ULK4: variants seen among roughly 807,000 people sequenced by gnomAD.
ULK4 encodes the protein unc-51 like kinase 4.
Under a neutral mutation model 160.6 loss-of-function variants are expected in ULK4, and 133 were observed. The observed-to-expected ratio is 0.83, with a 90% confidence interval of 0.72 to 0.96. ULK4 has a LOEUF of 0.96. Among genes scored for constraint, ULK4 ranks in the 40% least tolerant of loss-of-function variants. ULK4 has a pLI of 0.00. For missense variants in ULK4, 1,580 were observed against 1,499.5 expected, an observed-to-expected ratio of 1.05 and a Z score of -0.89; for synonymous variants, 534 against 539.8, an observed-to-expected ratio of 0.99 and a Z score of 0.15.
At chr3:41,759,346 T>A (rs995680871) in intron 21 of ULK4, among the ~76,000 whole-genome samples, 1 of 152,168 alleles carries the variant, frequency 6.6e-6, no homozygotes, top group Non-Finnish European at 1.5e-5. Context: ...TAATGAACAA[T>A]TGGAAAATAA....
intron 21 of ULK4, among the ~76,000 whole-genome samples, chr3:41,776,364 G>A (rs1178399007): frequency 6.7e-6 from 1 of 150,110 alleles, no homozygotes; most frequent in Non-Finnish European, 1.5e-5. Flanking sequence ...AGATCACAAA[G>A]ACAGTTATGT....
At chr3:41,685,232 A>G (rs2036061980) in intron 27 of ULK4, among the ~76,000 whole-genome samples, 2 of 152,224 alleles carry the variant, frequency 1.3e-5, no homozygotes, top group South Asian at 2.1e-4. Context: ...GGCAAGGACA[A>G]TAACTTGTTC....
intron 27 of ULK4, 82 bp downstream of exon 27, chr3:41,704,975 G>A: frequency 9.5e-7 from 1 of 1,055,060 alleles, no homozygotes; most frequent in Non-Finnish European, 1.4e-6. Flanking sequence ...TATGAGCCAA[G>A]CACTGTAAAC....
chr3:41,876,964 C>T (rs1716657), intron 17 of ULK4, among the ~76,000 whole-genome samples: 104,723 of 152,156 alleles, frequency 0.69, 39,444 homozygotes, highest in East Asian at 0.83. Flanking sequence ...GGTTTTCACA[C>T]TTGGCAATAA....
chr3:41,398,553 ATTTT>A (rs11321558), intron 34 of ULK4, among the ~76,000 whole-genome samples: 2 of 130,642 alleles, frequency 1.5e-5, no homozygotes, highest in Admixed American at 7.7e-5. Context: ...TGCCCAGCTA[ATTTT>A]TTTTTTTTTT....
chr3:41,394,186 G>C (rs1453323512), intron 35 of ULK4, among the ~76,000 whole-genome samples: 1 of 152,028 alleles, frequency 6.6e-6, no homozygotes, highest in East Asian at 1.9e-4. Context: ...CAGGAACAAG[G>C]GTAATGTAAA....
chr3:41,953,231 T>TAC (rs960596083), intron 2 of ULK4, among the ~76,000 whole-genome samples: 13 of 148,720 alleles, frequency 8.7e-5, no homozygotes, highest in Admixed American at 3.4e-4. Flanking sequence ...TACATATATA[T>TAC]ACACACACAT....
At chr3:41,522,838 C>G (rs1371292525) in intron 32 of ULK4, among the ~76,000 whole-genome samples, 1 of 152,188 alleles carries the variant, frequency 6.6e-6, no homozygotes, top group Non-Finnish European at 1.5e-5. Flanking sequence ...TGTGTGCCAG[C>G]TGTGTGTTAT....
Position 41,789,891 on chromosome 3 carries a change from A to G in ULK4, c.2011-48T>C, listed in dbSNP as rs545089558. 1.6e-4 allele frequency: 234 copies of G among 1,438,836 alleles called. 2 individuals are homozygous for G. In the South Asian group the frequency reaches 3.3e-3, roughly 20 times the overall value. The allele number at this position is 1,438,836 out of a possible 1,614,324, so 89.1% of individuals were successfully genotyped here. On this transcript the variant is annotated intron_variant, in intron 20 of 36. Coordinates refer to ENST00000301831, the MANE Select transcript of ULK4 (RefSeq NM_017886.4). Reference sequence around the variant, plus strand: ...CTGTCAGGCAACTCCAAGTGCATCAATCATTCCCCTGAAAGGTAACACATG... The same window carrying G: ...CTGTCAGGCAACTCCAAGTGCATCAGTCATTCCCCTGAAAGGTAACACATG...
chr3:41,600,046 T>C (rs369280857), intron 31 of ULK4, among the ~76,000 whole-genome samples: 2 of 152,320 alleles, frequency 1.3e-5, no homozygotes, highest in South Asian at 2.1e-4. Context: ...TGGATCTTTC[T>C]AAATGCAAAT....
intron 18 of ULK4, among the ~76,000 whole-genome samples, chr3:41,828,139 A>G (rs1403517718): frequency 3.4e-5 from 5 of 148,368 alleles, no homozygotes; most frequent in African/African-American, 7.5e-5. Flanking sequence ...GGTACTGATG[A>G]GACCTATCTC....
At chr3:41,679,498 A>G (rs185071657) in intron 29 of ULK4, among the ~76,000 whole-genome samples, 1 of 152,230 alleles carries the variant, frequency 6.6e-6, no homozygotes, top group African/African-American at 2.4e-5. Context: ...CAAGTTGTGT[A>G]ATACAAGCTT....
intron 18 of ULK4, 127 bp from the exon 19 acceptor site, chr3:41,819,633 A>T: frequency 1.4e-6 from 1 of 701,528 alleles, no homozygotes; most frequent in African/African-American, 1.8e-5. Flanking sequence ...TTAAAGTATT[A>T]CTTACTATCT....
Position 41,246,787 on chromosome 3 carries a change from C to T in ULK4, c.*142G>A. The stretch of plus-strand genomic sequence containing the variant: ...GCCCTGGGGTTAGTGAGCACTTGGG[C>T]CACCAGGTTCTGGGTTAAGCTGACT... On this transcript the variant is annotated 3_prime_UTR_variant, in exon 37 of 37. Transcript: ENST00000301831. The T allele has an allele frequency of 1.0e-6, 1 of 967,626 alleles. No homozygotes were observed. The highest frequency in any genetic ancestry group is 1.5e-6 in the Non-Finnish European group (1 of 655,440). 59.9% of individuals were successfully genotyped at this position (967,626 alleles called of 1,614,324 possible).
chr3:41,814,100 TC>T lies in ULK4; in HGVS notation c.1848+5322del, dbSNP rs759230419. On this transcript the variant is annotated intron_variant, in intron 19 of 36. Transcript: ENST00000301831. Reference sequence around the variant, plus strand: ...AACGGGAGGTTTGTGCTGGCTGTCCTCCTGTGGCAGGTCTGCTCGCAGGGGA... The same window carrying T: ...AACGGGAGGTTTGTGCTGGCTGTCCTCTGTGGCAGGTCTGCTCGCAGGGGA... 3.3e-5 allele frequency among the ~76,000 whole-genome samples: 5 copies of T among 152,208 alleles called. No homozygotes were observed. In the South Asian group the frequency reaches 1.0e-3, roughly 31 times the overall value.
At chr3:41,794,679 A>AAAAAACAG (rs2040248730) in intron 20 of ULK4, among the ~76,000 whole-genome samples, 1 of 130,348 alleles carries the variant, frequency 7.7e-6, no homozygotes, top group Non-Finnish European at 1.6e-5. Context: ...AAAAAAAAAA[A>AAAAAACAG]AAAAAAACAC....
intron 27 of ULK4, among the ~76,000 whole-genome samples, chr3:41,685,442 C>G (rs1297473313): frequency 6.6e-5 from 10 of 152,154 alleles, no homozygotes; most frequent in Admixed American, 6.5e-4. Context: ...CCACTAATCC[C>G]AAGGCTTTAG....
intron 35 of ULK4, among the ~76,000 whole-genome samples, chr3:41,298,808 C>T (rs1278160740): frequency 1.3e-5 from 2 of 152,180 alleles, no homozygotes; most frequent in Non-Finnish European, 2.9e-5. Flanking sequence ...AAGGGATGCA[C>T]ACTGGTGTGT....
chr3:41,355,587 A>G (rs1362813279), intron 35 of ULK4, among the ~76,000 whole-genome samples: 1 of 152,240 alleles, frequency 6.6e-6, no homozygotes, highest in Non-Finnish European at 1.5e-5. Context: ...GTCTCAAATC[A>G]AACTGTATAA....
Sources: gnomAD v4.1 joint callset for allele counts (sites outside exome capture counted in the v4.1 genomes callset) on GRCh38, gnomAD v4.1.1 for gene constraint, MANE v1.5 for transcripts, NCBI Gene and HGNC (gene_info 2026-07-23, HGNC 2026-07-21) for gene names.